SYNE2: variants seen among roughly 807,000 people sequenced by gnomAD.
The protein encoded by SYNE2 is spectrin repeat containing nuclear envelope protein 2.
In SYNE2, 431 loss-of-function variants were observed where a neutral mutation model predicts 856.3. The ratio of observed to expected loss-of-function variants is 0.50; its 90% CI spans 0.47 to 0.55. The LOEUF is 0.55. SYNE2 is among the 20% of genes least tolerant of loss of function. The pLI is 0.00. For synonymous variants in SYNE2, 2,923 were observed against 2,872.3 expected, an observed-to-expected ratio of 1.02 and a Z score of -0.56; for missense variants, 8,129 against 8,023.2, an observed-to-expected ratio of 1.01 and a Z score of -0.50.
intron 70 of SYNE2, 89 bp from the exon 71 acceptor site, chr14:64,124,990 A>G: frequency 6.5e-7 from 1 of 1,542,880 alleles, no homozygotes; most frequent in South Asian, 1.2e-5. Context: ...GCGACAGAGC[A>G]AGACTCCATC....
At chr14:64,191,846 T>G (rs993741466) in intron 99 of SYNE2, among the ~76,000 whole-genome samples, 7 of 152,188 alleles carry the variant, frequency 4.6e-5, no homozygotes, top group Non-Finnish European at 1.0e-4. Context: ...TTTGAACCAT[T>G]CTTGACTTTC....
At chr14:63,986,952 C>T (rs1028363108) in intron 19 of SYNE2, among the ~76,000 whole-genome samples, 4 of 151,998 alleles carry the variant, frequency 2.6e-5, no homozygotes, top group Admixed American at 2.0e-4. Context: ...GCAGAGTACA[C>T]GTAAGAGATA....
intron 99 of SYNE2, among the ~76,000 whole-genome samples, chr14:64,199,074 C>T (rs1045652460): frequency 7.9e-5 from 12 of 152,158 alleles, no homozygotes; most frequent in Admixed American, 2.0e-4. Flanking sequence ...GGAGGGGAAA[C>T]GTGGGCAGCA....
At chr14:63,977,675 C>T (rs941206234) in intron 12 of SYNE2, among the ~76,000 whole-genome samples, 1 of 151,900 alleles carries the variant, frequency 6.6e-6, no homozygotes, top group African/African-American at 2.4e-5. Flanking sequence ...TGAGAGGATC[C>T]CTTGAATCCA....
rs368471324 is a variant in SYNE2, at chr14:64,087,634, T to A, written c.11485-37T>A. 178 of 1,597,820 alleles carry A rather than the reference T, an allele frequency of 1.1e-4. No homozygotes were observed. The Admixed American group carries it at 2.9e-3, about 26-fold the overall frequency. On this transcript the variant is annotated intron_variant, in intron 57 of 115. Transcript: ENST00000555002. ...TAATCAGCTTATATCAGGATCTTGA[T>A]GTTTCTCTCTATTTTTCCCATTCTG...
chr14:64,068,998 C>T (rs1402972776), intron 51 of SYNE2, among the ~76,000 whole-genome samples: 1 of 152,084 alleles, frequency 6.6e-6, no homozygotes, highest in Non-Finnish European at 1.5e-5. Context: ...AAAGTGATCC[C>T]AGGGAACAGG....
intron 99 of SYNE2, among the ~76,000 whole-genome samples, chr14:64,200,167 T>A (rs893501857): frequency 6.6e-6 from 1 of 152,132 alleles, no homozygotes; most frequent in Non-Finnish European, 1.5e-5. Flanking sequence ...AAAAGAAAAA[T>A]ATATATAAAT....
At chr14:63,920,950 C>G (rs956123897) in intron 2 of SYNE2, among the ~76,000 whole-genome samples, 3 of 151,768 alleles carry the variant, frequency 2.0e-5, no homozygotes, top group Non-Finnish European at 4.4e-5. Flanking sequence ...CCTGTCTCTA[C>G]TAAAAAATAC....
chr14:64,126,949 G>T, intron 73 of SYNE2, 142 bp downstream of exon 73: 1 of 1,035,110 alleles, frequency 9.7e-7, no homozygotes, highest in East Asian at 2.6e-5. Flanking sequence ...GTTGCTCATG[G>T]TTGGAGATCA....
At chr14:64,121,216 C>G (rs2097895786) in intron 68 of SYNE2, among the ~76,000 whole-genome samples, 155 bp downstream of exon 68, 1 of 151,966 alleles carries the variant, frequency 6.6e-6, no homozygotes, top group Non-Finnish European at 1.5e-5. Context: ...ATAGCGAGAC[C>G]CTGTTTCAAA....
chr14:64,128,343 ATTTG>A (rs2097971455), intron 73 of SYNE2, 105 bp from the exon 74 acceptor site: 1 of 678,066 alleles, frequency 1.5e-6, no homozygotes, highest in Non-Finnish European at 2.7e-6. Flanking sequence ...CTATTTTTGT[ATTTG>A]TTTGAAATTT....
rs764424340 is a variant in SYNE2 at position 64,113,385 on chromosome 14, C to T, written c.12654C>T (p.Asp4218=). ...AGGCTGACACTCTGGACTCTTCTGA[C>T]GCGCAAGGAGGTTTGGAGCCCAGGG... ...PIEADTLDSS[D]AQGGLEPRVE... Residue 4218 remains aspartate (D), a synonymous_variant, in exon 66 of 116, where the codon GAC becomes GAT. Coordinates refer to ENST00000555002, the MANE Select transcript of SYNE2 (RefSeq NM_182914.3). 2.4e-5 allele frequency: 39 copies of T among 1,613,980 alleles called. No individual in the cohort carries two copies. The African/African-American group carries it at 3.2e-4, about 13-fold the overall frequency.
rs769706668 is a variant in SYNE2, at chr14:64,081,594, C to T, written c.11484+14C>T. On this transcript the variant is annotated intron_variant, in intron 57 of 115. Coordinates refer to ENST00000555002, the MANE Select transcript of SYNE2 (RefSeq NM_182914.3). ...AGCACTGTGCAGGTAAGTGTTCTTC[C>T]AGGTTTTCTGCCACTCATAGCATCT... 4 of 1,613,566 alleles carry T rather than the reference C, an allele frequency of 2.5e-6. No homozygotes were observed. The highest frequency in any genetic ancestry group is 3.4e-6 in the Non-Finnish European group (4 of 1,179,874).
intron 2 of SYNE2, among the ~76,000 whole-genome samples, chr14:63,938,747 T>G (rs2095862611): frequency 6.6e-6 from 1 of 152,066 alleles, no homozygotes; most frequent in Non-Finnish European, 1.5e-5. Flanking sequence ...AGGGAAAGCC[T>G]CAACACCAGA....
In SYNE2 at chr14:64,070,892, T is replaced by C. The variant is rs1056179484; in HGVS notation, c.10679T>C (p.Met3560Thr). ...CCAGCATTTCAAGAAATTACTTCTA[T>C]GAAAGAACGATGCAACAAGTAAGAT... is the stretch of plus-strand genomic sequence containing the variant. ...TVPAFQEITS[M>T]KERCNKLLQK... Residue 3560 changes from methionine to threonine, a missense_variant, in exon 52 of 116, where the codon ATG becomes ACG. Transcript: ENST00000555002. The C allele has an allele frequency of 2.4e-5, 39 of 1,614,038 alleles. No homozygotes were observed. Among genetic ancestry groups the C allele is most frequent in the Non-Finnish European group, 3.1e-5 (37 of 1,180,010 alleles).
At chr14:64,148,793 G>A (rs904665087) in intron 84 of SYNE2, among the ~76,000 whole-genome samples, 2 of 152,142 alleles carry the variant, frequency 1.3e-5, no homozygotes, top group African/African-American at 4.8e-5. Context: ...GTCAGAGACT[G>A]TACTGGGCTC....
At chr14:63,778,715 C>A (rs12880477) in intron 1 of SYNE2, among the ~76,000 whole-genome samples, 19,679 of 151,998 alleles carry the variant, frequency 0.13, 1,613 homozygotes, top group African/African-American at 0.23. Flanking sequence ...GGGTTTCACT[C>A]TGTTGCCCAG....
At chr14:64,000,287 G>A (rs1226007041) in intron 27 of SYNE2, among the ~76,000 whole-genome samples, 2 of 152,208 alleles carry the variant, frequency 1.3e-5, no homozygotes, top group Non-Finnish European at 2.9e-5. Flanking sequence ...TGTATTCTAT[G>A]TAATTACCTT....
At chr14:63,954,677 C>T (rs763307743) in intron 7 of SYNE2, 42 bp from the exon 8 acceptor site, 33 of 1,585,840 alleles carry the variant, frequency 2.1e-5, no homozygotes, top group Non-Finnish European at 2.7e-5. Flanking sequence ...GTGTTACGTT[C>T]TTTTTAATGG....
Sources: allele counts gnomAD v4.1 joint callset (sites outside exome capture counted in the v4.1 genomes callset), GRCh38; gene constraint gnomAD v4.1.1; transcripts MANE v1.5; gene names NCBI Gene and HGNC (gene_info 2026-07-23, HGNC 2026-07-21).